Variants in TENM4 observed in about 807,000 individuals in gnomAD.
TENM4 encodes the protein teneurin transmembrane protein 4.
Under a neutral mutation model 243.3 loss-of-function variants are expected in TENM4, and 82 were observed. That is an observed-to-expected ratio of 0.34 (90% CI 0.28 to 0.40). TENM4 has a LOEUF of 0.40. Among genes scored for constraint, TENM4 ranks in the 10% least tolerant of loss-of-function variants. TENM4 has a pLI of 1.00. For synonymous variants in TENM4, 1,412 were observed against 1,456.3 expected (o/e 0.97, Z 0.69); for missense variants, 3,138 against 3,673.3 (o/e 0.85, Z 3.77).
chr11:79,346,918 G>T (rs1430185187), intron 1 of TENM4, among the ~76,000 whole-genome samples: 1 of 152,122 alleles, frequency 6.6e-6, no homozygotes, highest in Non-Finnish European at 1.5e-5. Context: ...TTTCTCTTAG[G>T]TCCTGATCTC....
At chr11:78,808,644 T>C (rs895831495) in intron 14 of TENM4, among the ~76,000 whole-genome samples, 4 of 152,178 alleles carry the variant, frequency 2.6e-5, no homozygotes, top group Non-Finnish European at 4.4e-5. Context: ...TGCATGCATA[T>C]ATACTTACAT....
At chr11:79,104,068 T>G (rs1439406842) in intron 4 of TENM4, among the ~76,000 whole-genome samples, 1 of 152,168 alleles carries the variant, frequency 6.6e-6, no homozygotes, top group African/African-American at 2.4e-5. Context: ...TTTTCTCAAT[T>G]AAATGCCCCT....
chr11:78,730,543 C>T (rs76779139), intron 21 of TENM4, among the ~76,000 whole-genome samples: 1,600 of 152,198 alleles, frequency 0.011, 31 homozygotes, highest in African/African-American at 0.037. Flanking sequence ...ACCCGGGGAA[C>T]GCTCAGGTCA....
intron 6 of TENM4, among the ~76,000 whole-genome samples, chr11:79,029,237 T>C (rs192241320): frequency 2.0e-5 from 3 of 152,284 alleles, no homozygotes; most frequent in East Asian, 3.9e-4. Context: ...AGATCCAGCC[T>C]CTGCTCTTAA....
intron 7 of TENM4, among the ~76,000 whole-genome samples, chr11:78,900,640 C>T (rs1002584399): frequency 1.3e-5 from 2 of 152,192 alleles, no homozygotes; most frequent in African/African-American, 4.8e-5. Context: ...TCCTCCCAAC[C>T]TCTTTGAGAG....
intron 9 of TENM4, among the ~76,000 whole-genome samples, chr11:78,888,250 A>C (rs1357261159): frequency 1.3e-5 from 2 of 152,256 alleles, no homozygotes; most frequent in Non-Finnish European, 2.9e-5. Flanking sequence ...AATCACAGAT[A>C]GTCTCTTACA....
At chr11:78,659,660 C>T (rs1037460716) in intron 33 of TENM4, among the ~76,000 whole-genome samples, 1 of 152,232 alleles carries the variant, frequency 6.6e-6, no homozygotes, top group Admixed American at 6.5e-5. Flanking sequence ...CTTCACTGCT[C>T]TCCACTGCAT....
At chr11:79,170,629 T>C (rs1863019801) in intron 3 of TENM4, among the ~76,000 whole-genome samples, 1 of 152,178 alleles carries the variant, frequency 6.6e-6, no homozygotes, top group Non-Finnish European at 1.5e-5. Context: ...GGGATGCCTC[T>C]ATATACGAAG....
intron 29 of TENM4, 39 bp downstream of exon 29, chr11:78,688,015 C>A (rs1858727988): frequency 6.2e-7 from 1 of 1,605,344 alleles, no homozygotes; most frequent in African/African-American, 1.3e-5. Flanking sequence ...GTCTTCCCAC[C>A]CCTCTGCCTC....
chr11:78,885,128 C>T (rs1855522491), intron 9 of TENM4, among the ~76,000 whole-genome samples: 1 of 152,162 alleles, frequency 6.6e-6, no homozygotes, highest in South Asian at 2.1e-4. Flanking sequence ...TAACAACTGG[C>T]AGTACAAGCT....
At chr11:78,943,034 G>A (rs761662005) in intron 6 of TENM4, among the ~76,000 whole-genome samples, 28 of 152,130 alleles carry the variant, frequency 1.8e-4, no homozygotes, top group Non-Finnish European at 3.1e-4. Flanking sequence ...ATGGTCCTGC[G>A]AGGGTCTTTA....
intron 3 of TENM4, among the ~76,000 whole-genome samples, chr11:79,169,836 C>T (rs1862999346): frequency 6.6e-6 from 1 of 152,204 alleles, no homozygotes; most frequent in Non-Finnish European, 1.5e-5. Context: ...GCAGGGTCTT[C>T]CCTGGGGAAC....
At chr11:79,392,934 A>ATTCTCC (rs1858266309) in intron 1 of TENM4, among the ~76,000 whole-genome samples, 2 of 152,278 alleles carry the variant, frequency 1.3e-5, no homozygotes, top group Admixed American at 1.3e-4. Context: ...TGAAGACACA[A>ATTCTCC]CTAAGAATTT....
intron 6 of TENM4, among the ~76,000 whole-genome samples, chr11:79,003,339 A>G (rs1719022324): frequency 6.6e-6 from 1 of 151,960 alleles, no homozygotes; most frequent in African/African-American, 2.4e-5. Context: ...CATCCCCAAG[A>G]CACACAGTCT....
intron 18 of TENM4, among the ~76,000 whole-genome samples, chr11:78,764,524 G>A (rs1417443293): frequency 6.6e-6 from 1 of 152,226 alleles, no homozygotes; most frequent in Admixed American, 6.5e-5. Context: ...ATGAATAAAT[G>A]CATGCATTTT....
intron 6 of TENM4, among the ~76,000 whole-genome samples, chr11:78,970,193 T>C (rs2136570731): frequency 6.6e-6 from 1 of 152,148 alleles, no homozygotes; most frequent in East Asian, 1.9e-4. Flanking sequence ...TTCCAGTGAG[T>C]TATGTTCTTG....
intron 3 of TENM4, among the ~76,000 whole-genome samples, chr11:79,186,609 G>A (rs1472024336): frequency 1.3e-5 from 2 of 152,186 alleles, no homozygotes; most frequent in East Asian, 1.9e-4. Context: ...AGGGTGGTGC[G>A]ATGATAAACT....
chr11:79,381,467 C>T (rs1858001434), intron 1 of TENM4, among the ~76,000 whole-genome samples: 1 of 151,760 alleles, frequency 6.6e-6, no homozygotes, highest in Admixed American at 6.6e-5. Flanking sequence ...GGACCTAGCC[C>T]TGTGTTTCAA....
chr11:79,221,739 G>A (rs1310950854), intron 2 of TENM4, among the ~76,000 whole-genome samples: 2 of 152,092 alleles, frequency 1.3e-5, no homozygotes, highest in Non-Finnish European at 2.9e-5. Flanking sequence ...GCACACAAGG[G>A]GAAATAAAGG....
Sources: allele counts gnomAD v4.1 joint callset (sites outside exome capture counted in the v4.1 genomes callset), GRCh38; gene constraint gnomAD v4.1.1; transcripts MANE v1.5; gene names NCBI Gene and HGNC (gene_info 2026-07-23, HGNC 2026-07-21).